The following RANBP2 variants were observed in gnomAD, a reference collection of about 807,000 sequenced individuals.
RANBP2 encodes the protein RAN binding protein 2.
A neutral mutation model predicts 303.6 loss-of-function variants in RANBP2; 57 were observed. The observed-to-expected ratio is 0.19, with a 90% CI of 0.15 to 0.23. The LOEUF is 0.23. Ranked by LOEUF, RANBP2 falls within the 10% of genes least tolerant of loss-of-function variation. The pLI is 1.00. For synonymous variants in RANBP2, 1,167 were observed against 1,301.5 expected (o/e 0.90, Z 2.23); for missense variants, 3,138 against 3,780.8 (o/e 0.83, Z 4.46).
At chr2:109,466,780 C>G in the RANBP2 span, among the ~76,000 whole-genome samples, 1 of 149,314 alleles carries the variant, frequency 6.7e-6, no homozygotes, top group African/African-American at 2.5e-5. Flanking sequence ...CATGTCTATA[C>G]TTGTGCATGT....
the RANBP2 span, among the ~76,000 whole-genome samples, chr2:109,330,765 TACAC>T: frequency 6.6e-6 from 1 of 152,098 alleles, no homozygotes; most frequent in African/African-American, 2.4e-5. Context: ...TTCAAATACA[TACAC>T]AGATACACAA....
At chr2:109,474,382 G>A in the RANBP2 span, among the ~76,000 whole-genome samples, 11 of 152,242 alleles carry the variant, frequency 7.2e-5, no homozygotes, top group South Asian at 6.2e-4. Flanking sequence ...AGCTAGCTGC[G>A]TCTAACAAAG....
At chr2:109,515,651 G>A in the RANBP2 span, among the ~76,000 whole-genome samples, 2 of 152,122 alleles carry the variant, frequency 1.3e-5, no homozygotes, top group Non-Finnish European at 2.9e-5. Flanking sequence ...TCTGTTTTGC[G>A]TTGCTACAAA....
At chr2:108,999,084 T>C in the RANBP2 span, among the ~76,000 whole-genome samples, 1 of 152,252 alleles carries the variant, frequency 6.6e-6, no homozygotes, top group African/African-American at 2.4e-5. Flanking sequence ...AGTTTAAAAT[T>C]CTTATTATTG....
chr2:108,901,022 A>T, the RANBP2 span, among the ~76,000 whole-genome samples: 3 of 152,228 alleles, frequency 2.0e-5, no homozygotes, highest in Admixed American at 2.0e-4. Context: ...ACTTACCAAC[A>T]TCATCAACCA....
At chr2:108,962,536 G>A in the RANBP2 span, among the ~76,000 whole-genome samples, 4 of 151,844 alleles carry the variant, frequency 2.6e-5, no homozygotes, top group East Asian at 1.9e-4. Flanking sequence ...TTAGCCGGGC[G>A]TGGTGGCGGG....
intron 4 of RANBP2, among the ~76,000 whole-genome samples, chr2:108,733,830 C>T (rs1573710855): frequency 6.6e-6 from 1 of 150,746 alleles, no homozygotes; most frequent in African/African-American, 2.5e-5. Context: ...GGCACTGTTA[C>T]ACCTTTCCTG....
the RANBP2 span, among the ~76,000 whole-genome samples, chr2:109,258,548 A>G: frequency 6.6e-6 from 1 of 152,122 alleles, no homozygotes; most frequent in South Asian, 2.1e-4. Context: ...GGGTGGTGCC[A>G]CCAATCCTTG....
chr2:109,173,349 C>T, the RANBP2 span, among the ~76,000 whole-genome samples: 285 of 152,208 alleles, frequency 1.9e-3, no homozygotes, highest in African/African-American at 5.8e-3. Context: ...CGTTATCAAC[C>T]GAGCCGTCCC....
the RANBP2 span, among the ~76,000 whole-genome samples, chr2:109,764,241 T>C: frequency 8.7e-5 from 13 of 149,256 alleles, 1 homozygote; most frequent in African/African-American, 2.7e-4. Flanking sequence ...AGCTTTGTTC[T>C]GTAGAGTCTT....
chr2:109,074,700 A>AAAT, the RANBP2 span, among the ~76,000 whole-genome samples: 247 of 149,512 alleles, frequency 1.7e-3, 20 homozygotes, highest in Non-Finnish European at 1.0e-3. Context: ...ACTGCATCTC[A>AAAT]AATAATAATA....
chr2:109,355,736 C>G, the RANBP2 span, among the ~76,000 whole-genome samples: 4 of 152,186 alleles, frequency 2.6e-5, no homozygotes, highest in African/African-American at 9.7e-5. Context: ...TGTGAAGCAG[C>G]AACTTAACAC....
the RANBP2 span, among the ~76,000 whole-genome samples, chr2:109,320,925 C>G: frequency 2.0e-5 from 3 of 152,178 alleles, no homozygotes; most frequent in Non-Finnish European, 4.4e-5. Context: ...AACACTTCAT[C>G]TGTAAAGTGA....
At chr2:109,607,505 T>C in the RANBP2 span, among the ~76,000 whole-genome samples, 2 of 152,132 alleles carry the variant, frequency 1.3e-5, no homozygotes, top group Non-Finnish European at 2.9e-5. Context: ...AATAAACAAA[T>C]GGTCTGTGGC....
At chr2:108,938,248 A>G in the RANBP2 span, among the ~76,000 whole-genome samples, 2,283 of 152,324 alleles carry the variant, frequency 0.015, 29 homozygotes, top group South Asian at 0.03. Flanking sequence ...ACCAGTGACG[A>G]TGATAATTTC....
At chr2:109,192,877 T>C in the RANBP2 span, among the ~76,000 whole-genome samples, 1 of 152,212 alleles carries the variant, frequency 6.6e-6, no homozygotes, top group East Asian at 1.9e-4. Context: ...ACTGATTTTA[T>C]GAATTTTCAA....
chr2:108,916,501 C>T, the RANBP2 span, among the ~76,000 whole-genome samples: 1 of 152,126 alleles, frequency 6.6e-6, no homozygotes, highest in Non-Finnish European at 1.5e-5. Flanking sequence ...TGACATCTTC[C>T]TGCACCCACA....
chr2:109,310,642 A>G, the RANBP2 span, among the ~76,000 whole-genome samples: 1 of 61,838 alleles, frequency 1.6e-5, no homozygotes, highest in Non-Finnish European at 2.6e-5. Context: ...AGACACAATA[A>G]AAAATGATAA....
At chr2:109,161,444 G>A in the RANBP2 span, among the ~76,000 whole-genome samples, 2 of 151,204 alleles carry the variant, frequency 1.3e-5, no homozygotes, top group African/African-American at 2.5e-5. Context: ...CTGATGGTCT[G>A]TTCTTCCCCT....
Sources: gnomAD v4.1 joint callset for allele counts (sites outside exome capture counted in the v4.1 genomes callset) on GRCh38, gnomAD v4.1.1 for gene constraint, MANE v1.5 for transcripts, NCBI Gene and HGNC (gene_info 2026-07-23, HGNC 2026-07-21) for gene names.